SLC35E2B: variants seen among roughly 807,000 people sequenced by gnomAD.
SLC35E2B encodes solute carrier family 35, member E2B.
SLC35E2B carries 18 observed loss-of-function variants against 32.4 expected under a neutral mutation model. The ratio of observed to expected loss-of-function variants is 0.56; its 90% CI spans 0.38 to 0.82. SLC35E2B has a LOEUF of 0.82. Among genes scored for constraint, SLC35E2B ranks in the 40% least tolerant of loss-of-function variants. The pLI is 0.00. For missense variants in SLC35E2B, 263 were observed against 469.5 expected (o/e 0.56, Z 4.06); for synonymous variants, 132 against 209.1 (o/e 0.63, Z 3.18).
chr1:1,678,650 C>T (rs564124435), intron 2 of SLC35E2B, among the ~76,000 whole-genome samples: 80 of 152,218 alleles, frequency 5.3e-4, no homozygotes, highest in South Asian at 3.3e-3. Context: ...CCCACAGCCT[C>T]GGAATAACAA....
chr1:1,683,118 C>A (rs984749126), intron 2 of SLC35E2B, among the ~76,000 whole-genome samples: 3 of 152,074 alleles, frequency 2.0e-5, no homozygotes, highest in African/African-American at 7.2e-5. Context: ...AAATAAAGTC[C>A]TGTGAGGAAT....
chr1:1,687,054 T>C (rs1009233870), intron 2 of SLC35E2B, among the ~76,000 whole-genome samples: 7 of 152,020 alleles, frequency 4.6e-5, no homozygotes, highest in Non-Finnish European at 8.8e-5. Flanking sequence ...AGACTCCGTC[T>C]CAAAAACAAA....
chr1:1,684,221 G>A (rs868248925), intron 2 of SLC35E2B, among the ~76,000 whole-genome samples: 13 of 152,152 alleles, frequency 8.5e-5, no homozygotes, highest in Non-Finnish European at 7.3e-5. Flanking sequence ...ATCCACCTCC[G>A]CGTGCTGACA....
intron 2 of SLC35E2B, among the ~76,000 whole-genome samples, chr1:1,678,159 C>G (rs576839273): frequency 6.6e-6 from 1 of 152,286 alleles, no homozygotes; most frequent in South Asian, 2.1e-4. Flanking sequence ...ACTTCTCCCC[C>G]GGGAAACTGG....
At chr1:1,666,338 C>T (rs1472730087) in intron 9 of SLC35E2B, among the ~76,000 whole-genome samples, 2 of 152,128 alleles carry the variant, frequency 1.3e-5, no homozygotes, top group African/African-American at 2.4e-5. Context: ...GGAGGAGAAA[C>T]CTAAGTAACG....
chr1:1,668,857 G>C (rs979994690), intron 8 of SLC35E2B, among the ~76,000 whole-genome samples: 3 of 152,040 alleles, frequency 2.0e-5, no homozygotes, highest in Admixed American at 6.6e-5. Flanking sequence ...CAGGCGTGGT[G>C]GTGGGCGCCT....
chr1:1,671,627 G>A lies in SLC35E2B; in HGVS notation c.589C>T (p.Leu197=). 6.5e-7 allele frequency: 1 copy of A among 1,541,942 alleles called. No homozygotes were observed. The highest frequency in any genetic ancestry group is 8.8e-7 in the Non-Finnish European group (1 of 1,142,212). ...GGGATGAGGGAGAGGTTGACCAGCA[G>A]CCCTGGCGAGAGGACAGCCCCTGTG... The part of the protein sequence containing the change: ...SRMILGEYTG[L]LVNLSLIPVM... Residue 197 remains leucine (L), a splice_region_variant and synonymous_variant, in exon 6 of 10, where the codon CTG becomes TTG. Transcript: ENST00000617444.
At chr1:1,678,804 C>T (rs1478014946) in intron 2 of SLC35E2B, among the ~76,000 whole-genome samples, 3 of 152,186 alleles carry the variant, frequency 2.0e-5, no homozygotes, top group Non-Finnish European at 2.9e-5. Context: ...GCTGCAGCCT[C>T]CCTGGAGCTA....
chr1:1,669,953 T>A, intron 7 of SLC35E2B, 145 bp downstream of exon 7: 1 of 877,288 alleles, frequency 1.1e-6, no homozygotes, highest in Non-Finnish European at 1.8e-6. Context: ...GGCGGGTCCC[T>A]CCCGAGCTTA....
rs1643416462 is a variant in SLC35E2B at position 1,662,170 on chromosome 1, T to A, written c.*3612A>T. The A allele has an allele frequency of 1.0e-6, 1 of 984,956 alleles. No individual in the cohort carries two copies. The highest frequency in any genetic ancestry group is 6.1e-5 in the Admixed American group (1 of 16,264). The allele number at this position is 984,956 out of a possible 1,614,324, so 61.0% of individuals were successfully genotyped here. ...CCAGACACAGAACTAGCCAGATTCA[T>A]TAGGGAAGCTCGGATGCTCTCATTC... On this transcript the variant is annotated 3_prime_UTR_variant, in exon 10 of 10. Transcript: ENST00000617444.
intron 5 of SLC35E2B, chr1:1,672,442 T>C (rs1241460773): frequency 6.6e-6 from 1 of 152,176 alleles, no homozygotes; most frequent in African/African-American, 2.4e-5. Flanking sequence ...CCCGAGTCTG[T>C]GCGGGGAGGC....
At chr1:1,683,403 G>A (rs1353830493) in intron 2 of SLC35E2B, among the ~76,000 whole-genome samples, 1 of 152,160 alleles carries the variant, frequency 6.6e-6, no homozygotes, top group Admixed American at 6.5e-5. Flanking sequence ...CAATGAGTTT[G>A]ACAGGACTGC....
At chr1:1,688,281 C>T (rs1053738933) in intron 2 of SLC35E2B, among the ~76,000 whole-genome samples, 6 of 152,072 alleles carry the variant, frequency 3.9e-5, no homozygotes, top group Non-Finnish European at 5.9e-5. Context: ...ACAATCACGA[C>T]GAGTCACCAA....
At chr1:1,685,859 T>C (rs1435761430) in intron 2 of SLC35E2B, among the ~76,000 whole-genome samples, 1 of 152,154 alleles carries the variant, frequency 6.6e-6, no homozygotes, top group East Asian at 1.9e-4. Flanking sequence ...TGAGACGGAG[T>C]CTCGCTCTGT....
intron 2 of SLC35E2B, among the ~76,000 whole-genome samples, chr1:1,686,806 C>A (rs1643957006): frequency 1.3e-5 from 2 of 151,346 alleles, no homozygotes; most frequent in African/African-American, 4.9e-5. Context: ...CCTGTAATCC[C>A]AGCACTTTGG....
chr1:1,681,635 C>T (rs536260009), intron 2 of SLC35E2B, among the ~76,000 whole-genome samples: 3 of 150,216 alleles, frequency 2.0e-5, no homozygotes, highest in African/African-American at 2.5e-5. Context: ...GCCTCTCGGG[C>T]AGCTGGAATT....
intron 2 of SLC35E2B, among the ~76,000 whole-genome samples, chr1:1,679,090 A>G (rs535485474): frequency 9.9e-5 from 15 of 152,088 alleles, no homozygotes; most frequent in African/African-American, 3.6e-4. Context: ...CTGGCTGGGG[A>G]CGCTGTCACA....
chr1:1,686,411 C>T (rs1354712780), intron 2 of SLC35E2B, among the ~76,000 whole-genome samples: 1 of 147,456 alleles, frequency 6.8e-6, no homozygotes, highest in Non-Finnish European at 1.5e-5. Context: ...AGGCAGATTT[C>T]ATCATGTGAG....
chr1:1,688,415 G>A (rs1421653404), intron 2 of SLC35E2B, among the ~76,000 whole-genome samples: 2 of 151,828 alleles, frequency 1.3e-5, no homozygotes, highest in Non-Finnish European at 2.9e-5. Flanking sequence ...GATCCTCCTG[G>A]CCAACACAGT....
Sources: gnomAD v4.1 joint callset for allele counts (sites outside exome capture counted in the v4.1 genomes callset) on GRCh38, gnomAD v4.1.1 for gene constraint, MANE v1.5 for transcripts, NCBI Gene and HGNC (gene_info 2026-07-23, HGNC 2026-07-21) for gene names.